PKD2: variants seen among roughly 807,000 people sequenced by gnomAD.
PKD2 encodes the protein polycystin-2.
PKD2 carries 48 observed loss-of-function variants against 105.9 expected under a neutral mutation model. The ratio of observed to expected loss-of-function variants is 0.45; its 90% CI spans 0.36 to 0.58. PKD2 has a LOEUF of 0.58. Among genes scored for constraint, PKD2 ranks in the 20% least tolerant of loss-of-function variants. The probability of loss-of-function intolerance (pLI) is 0.00; values close to 1 mark genes in which losing one functional copy is unlikely to be tolerated. For missense variants in PKD2, 1,078 were observed against 1,255.3 expected (o/e 0.86, Z 2.13); for synonymous variants, 464 against 481.1 (o/e 0.96, Z 0.46).
At chr4:88,073,010 G>A (rs1167537181) in intron 13 of PKD2, among the ~76,000 whole-genome samples, 2 of 145,466 alleles carry the variant, frequency 1.4e-5, no homozygotes, top group Non-Finnish European at 3.0e-5. Context: ...ACGCCAGCCT[G>A]GGCAACAGAG....
chr4:88,039,758 G>A (rs1727486879), intron 4 of PKD2, among the ~76,000 whole-genome samples: 1 of 151,444 alleles, frequency 6.6e-6, no homozygotes, highest in Non-Finnish European at 1.5e-5. Flanking sequence ...AGTTATGATA[G>A]TGATTTCGCT....
Position 88,075,583 on chromosome 4 carries a change from A to G in PKD2, c.2796A>G (p.Pro932=). 1.2e-6 allele frequency: 2 copies of G among 1,614,128 alleles called. No homozygotes were observed. Among genetic ancestry groups the G allele is most frequent in the Non-Finnish European group, 8.5e-7 (1 of 1,179,950 alleles). The change falls in exon 15 of 15, where the codon CCA becomes CCG. Residue 932 remains proline (P), a synonymous_variant. Transcript: ENST00000237596. ...AGATCAGTCATGGTTTAGGCACGCC[A>G]GTGGGACTAAATGGTCAACCTCGCC... The part of the protein sequence containing the change: ...ASQISHGLGT[P]VGLNGQPRPR...
At chr4:88,021,677 A>G (rs1726753318) in intron 2 of PKD2, among the ~76,000 whole-genome samples, 1 of 152,176 alleles carries the variant, frequency 6.6e-6, no homozygotes, top group African/African-American at 2.4e-5. Context: ...CGTTCATTTC[A>G]TTTTTCTACA....
At chr4:88,040,772 T>C (rs1232601017) in intron 4 of PKD2, among the ~76,000 whole-genome samples, 1 of 152,220 alleles carries the variant, frequency 6.6e-6, no homozygotes, top group Non-Finnish European at 1.5e-5. Context: ...TTGGGTTCTT[T>C]TAACTCTGAA....
intron 1 of PKD2, among the ~76,000 whole-genome samples, chr4:88,013,442 C>T (rs1006467249): frequency 6.6e-6 from 1 of 152,152 alleles, no homozygotes; most frequent in African/African-American, 2.4e-5. Context: ...CAGGCACAGC[C>T]GCTCATGCCT....
intron 5 of PKD2, among the ~76,000 whole-genome samples, 153 bp downstream of exon 5, chr4:88,043,610 T>C (rs1052562023): frequency 3.3e-5 from 5 of 152,154 alleles, no homozygotes; most frequent in African/African-American, 1.2e-4. Flanking sequence ...AACTGAAGGC[T>C]TACCGAAATA....
At chr4:88,029,148 T>G (rs1727059014) in intron 2 of PKD2, among the ~76,000 whole-genome samples, 1 of 152,180 alleles carries the variant, frequency 6.6e-6, no homozygotes, top group Non-Finnish European at 1.5e-5. Flanking sequence ...TTCCTGGCAT[T>G]TGGTCCAGTG....
At chr4:88,012,400 C>G (rs1726413380) in intron 1 of PKD2, among the ~76,000 whole-genome samples, 1 of 152,128 alleles carries the variant, frequency 6.6e-6, no homozygotes, top group Non-Finnish European at 1.5e-5. Context: ...GTGCCCAAAC[C>G]TAACTTTAGC....
rs1282021549 is a variant in PKD2 at position 88,077,447 on chromosome 4, G to A, written c.*1753G>A. 2.0e-5 allele frequency: 3 copies of A among 152,544 alleles called. No homozygotes were observed. The highest frequency in any genetic ancestry group is 2.9e-5 in the Non-Finnish European group (2 of 68,028). 9.4% of individuals were successfully genotyped at this position (152,544 alleles called of 1,614,324 possible). On this transcript the variant is annotated 3_prime_UTR_variant, in exon 15 of 15. Coordinates refer to ENST00000237596, the MANE Select transcript of PKD2 (RefSeq NM_000297.4). ...ATGTAAACAAACTTCAATTTGAAGT[G>A]CAGCTATTATGTGGTATCCATGTGT...
chr4:88,065,718 G>T (rs754809045), intron 11 of PKD2, 44 bp from the exon 12 acceptor site: 3 of 1,418,376 alleles, frequency 2.1e-6, no homozygotes, highest in Non-Finnish European at 3.0e-6. Context: ...GGGTGAACTG[G>T]GTACAAGGAA....
chr4:88,075,648 G>A lies in PKD2; in HGVS notation c.2861G>A (p.Gly954Asp). The change falls in exon 15 of 15, where the codon GGC (glycine) becomes GAC (aspartate). Residue 954 changes from glycine (G) to aspartate (D), a missense_variant. This residue lies in a region of PKD2 where 868 missense variants were observed against 1,067.3 expected (regional missense o/e 0.81). Coordinates refer to ENST00000237596, the MANE Select transcript of PKD2 (RefSeq NM_000297.4). ...CCATCTTCCTCCCAATCTACAGAAG[G>A]CATGGAAGGTGCAGGTGGAAATGGG... ...SRPSSSQSTE[G>D]MEGAGGNGSS... is the part of the protein sequence containing the mutation. The A allele has an allele frequency of 6.2e-7, 1 of 1,614,092 alleles. No homozygotes were observed. Among genetic ancestry groups the A allele is most frequent in the Non-Finnish European group, 8.5e-7 (1 of 1,179,982 alleles).
At chr4:88,039,339 A>G (rs183789298) in intron 4 of PKD2, among the ~76,000 whole-genome samples, 101 of 152,230 alleles carry the variant, frequency 6.6e-4, no homozygotes, top group Middle Eastern at 3.4e-3. Context: ...TATACACTCT[A>G]TTTAATACCA....
chr4:88,011,361 C>A (rs1486942121), intron 1 of PKD2, among the ~76,000 whole-genome samples: 3 of 148,630 alleles, frequency 2.0e-5, no homozygotes, highest in Non-Finnish European at 3.0e-5. Context: ...CTATGAAGTA[C>A]TAGCTGTGCA....
intron 5 of PKD2, among the ~76,000 whole-genome samples, chr4:88,044,803 G>C (rs1336997810): frequency 6.6e-6 from 1 of 152,038 alleles, no homozygotes; most frequent in Non-Finnish European, 1.5e-5. Context: ...TCATGGCGGT[G>C]CTCAGAAAGT....
At position 88,044,937 on chromosome 4, in the gene PKD2, A is replaced by G. The variant is rs543403406; in HGVS notation, c.1319+1480A>G. ...AATACTCAACCAGTAGTCCAGTAGTAGTTATCACTAGAAATGAATGAAAAT... is the reference window on the plus strand; with the variant it reads ...AATACTCAACCAGTAGTCCAGTAGTGGTTATCACTAGAAATGAATGAAAAT... On this transcript the variant is annotated intron_variant, in intron 5 of 14. Coordinates refer to ENST00000237596, the MANE Select transcript of PKD2 (RefSeq NM_000297.4). 2.0e-5 allele frequency among the ~76,000 whole-genome samples: 3 copies of G among 152,374 alleles called. No individual in the cohort carries two copies. In the South Asian group the frequency reaches 6.2e-4, roughly 32 times the overall value.
At chr4:88,033,976 C>T (rs772365769) in intron 2 of PKD2, among the ~76,000 whole-genome samples, 14 of 152,186 alleles carry the variant, frequency 9.2e-5, no homozygotes, top group Non-Finnish European at 1.3e-4. Flanking sequence ...GGCTAGGCAG[C>T]ACTCTCCCTG....
At chr4:88,039,688 G>A (rs143352367) in intron 4 of PKD2, among the ~76,000 whole-genome samples, 2 of 148,226 alleles carry the variant, frequency 1.3e-5, no homozygotes, top group African/African-American at 5.0e-5. Context: ...AACAAATTTA[G>A]TGAAAATCCA....
chr4:88,047,891 T>C lies in PKD2; in HGVS notation c.1548+1021T>C, dbSNP rs146105174. 2.8e-4 allele frequency among the ~76,000 whole-genome samples: 43 copies of C among 152,298 alleles called. No homozygotes were observed. In the East Asian group the frequency reaches 6.4e-3, roughly 23 times the overall value. On this transcript the variant is annotated intron_variant, in intron 6 of 14. Coordinates refer to ENST00000237596, the MANE Select transcript of PKD2 (RefSeq NM_000297.4). ...AGTCATAATCAAGACCATGACACCATGTAAATTCTGTGTCTGCTCTTGACT... is the reference window on the plus strand; with the variant it reads ...AGTCATAATCAAGACCATGACACCACGTAAATTCTGTGTCTGCTCTTGACT...
chr4:88,014,079 A>T (rs2725230), intron 1 of PKD2, among the ~76,000 whole-genome samples: 2 of 151,994 alleles, frequency 1.3e-5, no homozygotes, highest in South Asian at 2.1e-4. Context: ...GAACTAAGGC[A>T]TATGAGCTGG....
Sources: gnomAD v4.1 joint callset for allele counts (sites outside exome capture counted in the v4.1 genomes callset) on GRCh38, gnomAD v4.1.1 for gene constraint, gnomAD v4.1.1 regional missense constraint, MANE v1.5 for transcripts, NCBI Gene and HGNC (gene_info 2026-07-23, HGNC 2026-07-21) for gene names.